The following PDE2A variants were observed in gnomAD, a reference collection of about 807,000 sequenced individuals.
PDE2A encodes the protein phosphodiesterase 2A.
A neutral mutation model predicts 133.6 loss-of-function variants in PDE2A; 53 were observed. That is an observed-to-expected ratio of 0.40 (90% CI 0.32 to 0.50). The LOEUF (loss-of-function observed/expected upper bound fraction) is 0.50. Ranked by LOEUF, PDE2A falls within the 20% of genes least tolerant of loss-of-function variation. The pLI is 0.73. For missense variants in PDE2A, 796 were observed against 1,232.4 expected, an observed-to-expected ratio of 0.65 and a Z score of 5.30; for synonymous variants, 491 against 490.2, an observed-to-expected ratio of 1.00 and a Z score of -0.02.
chr11:72,609,468 A>G (rs1204958170), intron 2 of PDE2A, among the ~76,000 whole-genome samples: 1 of 152,204 alleles, frequency 6.6e-6, no homozygotes, highest in Non-Finnish European at 1.5e-5. Flanking sequence ...TGCATAACCC[A>G]TAAGGTGGGA....
chr11:72,630,546 G>A (rs1010253595), intron 2 of PDE2A, among the ~76,000 whole-genome samples: 2 of 143,508 alleles, frequency 1.4e-5, no homozygotes, highest in African/African-American at 2.6e-5. Context: ...GGATGAAGGG[G>A]AACGATTGCC....
In PDE2A at chr11:72,579,546, A is replaced by C. The variant is rs1245372787; in HGVS notation, c.2244T>G (p.His748Gln). 3.7e-6 allele frequency: 6 copies of C among 1,610,422 alleles called. No individual in the cohort carries two copies. Residue 748 changes from histidine to glutamine, a missense_variant, in exon 26 of 31, where the codon CAT (histidine) becomes CAG (glutamine). Physicochemically the swap from His to Gln is conservative, Grantham distance 24. Transcript: ENST00000334456. ...CCAACCCCATCACCTTCCGGGAGAA[A>C]TGATCAAAGATGTTGCAGCCGTGGG... ...LNTHGCNIFD[H>Q]FSRKDYQRML...
At position 72,597,694 on chromosome 11, in the gene PDE2A, A is replaced by C; in HGVS notation, c.324-75T>G. Reference sequence around the variant, plus strand: ...ACGAGGCCTGGCCTGGGAACACAGGACAGTTTGGACCCTGCACATGTGCAA... The same window carrying C: ...ACGAGGCCTGGCCTGGGAACACAGGCCAGTTTGGACCCTGCACATGTGCAA... On this transcript the variant is annotated intron_variant, in intron 4 of 30. Transcript: ENST00000334456. The surrounding 1 kb of genome is among the most constrained non-coding windows in gnomAD (Gnocchi z 4.6). The C allele has an allele frequency of 1.0e-6, 1 of 955,218 alleles. No individual in the cohort carries two copies. The highest frequency in any genetic ancestry group is 1.6e-6 in the Non-Finnish European group (1 of 609,464). The allele number at this position is 955,218 out of a possible 1,614,324, so 59.2% of individuals were successfully genotyped here.
At chr11:72,650,855 ACCC>A (rs1854716709) in intron 1 of PDE2A, among the ~76,000 whole-genome samples, 11 of 7,954 alleles carry the variant, frequency 1.4e-3, no homozygotes, top group Non-Finnish European at 4.6e-3. Context: ...TCAGTCCCTG[ACCC>A]CTGACCCCAG....
chr11:72,618,587 T>C (rs1857590024), intron 2 of PDE2A, among the ~76,000 whole-genome samples: 1 of 152,172 alleles, frequency 6.6e-6, no homozygotes, highest in African/African-American at 2.4e-5. Flanking sequence ...CAGACCTTCT[T>C]TGCCCCCCTT....
intron 1 of PDE2A, among the ~76,000 whole-genome samples, chr11:72,666,050 C>A (rs1855224984): frequency 6.6e-6 from 1 of 152,142 alleles, no homozygotes; most frequent in South Asian, 2.1e-4. Flanking sequence ...GTCGACTTCA[C>A]ACGTCCCCAG....
intron 4 of PDE2A, among the ~76,000 whole-genome samples, chr11:72,603,541 G>C (rs1348695027): frequency 6.6e-6 from 1 of 152,190 alleles, no homozygotes; most frequent in Non-Finnish European, 1.5e-5. Context: ...AGGCCTCCCA[G>C]GCTGCTCCGA....
intron 1 of PDE2A, among the ~76,000 whole-genome samples, chr11:72,661,175 C>T (rs539035205): frequency 7.2e-5 from 11 of 152,048 alleles, no homozygotes; most frequent in South Asian, 2.1e-4. Context: ...CATGGTGGTG[C>T]GCACCTGTAA....
chr11:72,651,037 C>T (rs1311964894), intron 1 of PDE2A, among the ~76,000 whole-genome samples: 1 of 152,184 alleles, frequency 6.6e-6, no homozygotes, highest in Non-Finnish European at 1.5e-5. Flanking sequence ...ACTCAGAAAC[C>T]ATCACACAGG....
At chr11:72,629,585 C>G (rs7111915) in intron 2 of PDE2A, among the ~76,000 whole-genome samples, 22,562 of 152,236 alleles carry the variant, frequency 0.15, 1,760 homozygotes, top group Middle Eastern at 0.17. Context: ...TTGCCAGCTC[C>G]CAGCAGCAGG....
At chr11:72,596,476 TCTCTCTCTCACA>T (rs1856488349) in intron 6 of PDE2A, 105 bp downstream of exon 6, 2 of 237,666 alleles carry the variant, frequency 8.4e-6, no homozygotes, top group Non-Finnish European at 1.4e-5. Context: ...TCTCTCTCTC[TCTCTCTCTCACA>T]CACACACACA....
At chr11:72,666,445 C>T (rs570733597) in intron 1 of PDE2A, among the ~76,000 whole-genome samples, 69 of 152,174 alleles carry the variant, frequency 4.5e-4, no homozygotes, top group Admixed American at 2.2e-3. Flanking sequence ...CTGCCCAATC[C>T]GATAGACTAG....
chr11:72,614,941 G>A (rs1175994982), intron 2 of PDE2A: 3 of 345,078 alleles, frequency 8.7e-6, no homozygotes, highest in Non-Finnish European at 2.1e-5. Flanking sequence ...GGAGGGACCT[G>A]CCAGAGACCT....
chr11:72,668,969 G>C, intron 1 of PDE2A: 1 of 1,003,260 alleles, frequency 1.0e-6, no homozygotes, highest in South Asian at 4.3e-5. Context: ...CTTTCTGAAA[G>C]TGTGGCTGAT....
At chr11:72,636,136 C>G (rs1479611187) in intron 2 of PDE2A, 4 of 1,191,720 alleles carry the variant, frequency 3.4e-6, no homozygotes, top group Non-Finnish European at 4.3e-6. Context: ...AGAGTACAGG[C>G]TCTGCAGAGG....
chr11:72,634,529 G>A (rs898975876), intron 2 of PDE2A, among the ~76,000 whole-genome samples: 1 of 152,298 alleles, frequency 6.6e-6, no homozygotes, highest in East Asian at 1.9e-4. Context: ...ACCAGGCAGC[G>A]GAAGCCCTTG....
Position 72,578,146 on chromosome 11 carries a change from A to G in PDE2A, c.2615+87T>C, listed in dbSNP as rs1233235158. ...AATCAGTTGGACCTGGGCCAGGCCA[A>G]TCTCAGCACCTGTGTTTCCTGTGAT... On this transcript the variant is annotated intron_variant, in intron 30 of 30. Transcript: ENST00000334456. The surrounding 1 kb of genome is among the most constrained non-coding windows in gnomAD (Gnocchi z 4.2). 5.7e-6 allele frequency: 5 copies of G among 872,582 alleles called. No homozygotes were observed. In the East Asian group the frequency reaches 7.2e-5, roughly 13 times the overall value. 54.1% of individuals were successfully genotyped at this position (872,582 alleles called of 1,614,324 possible).
chr11:72,668,423 A>G (rs1565200292), intron 1 of PDE2A: 2 of 718,010 alleles, frequency 2.8e-6, no homozygotes, highest in South Asian at 3.0e-5. Context: ...GAAGCTGTAA[A>G]CTTCTGTGTG....
rs1855452509 is a variant in PDE2A at position 72,674,281 on chromosome 11, G to A, written c.-74C>T. 9 of 1,466,750 alleles carry A rather than the reference G, an allele frequency of 6.1e-6. No homozygotes were observed. In the South Asian group the frequency reaches 9.6e-5, roughly 16 times the overall value. The allele number at this position is 1,466,750 out of a possible 1,614,324, so 90.9% of individuals were successfully genotyped here. On this transcript the variant is annotated 5_prime_UTR_variant, in exon 1 of 31. Coordinates refer to ENST00000334456, the MANE Select transcript of PDE2A (RefSeq NM_002599.5). The stretch of plus-strand genomic sequence containing the variant: ...CTGTCCCCGCTGCCTGGAGTTCAGG[G>A]CAGGGCACCCCCAGCAGGCACAGGG...
Sources: gnomAD v4.1 joint callset for allele counts (sites outside exome capture counted in the v4.1 genomes callset) on GRCh38, gnomAD v4.1.1 for gene constraint, Gnocchi (gnomAD v3.1) non-coding constraint, MANE v1.5 for transcripts, NCBI Gene and HGNC (gene_info 2026-07-23, HGNC 2026-07-21) for gene names.